SAP130: variants seen among roughly 807,000 people sequenced by gnomAD.
SAP130 encodes the protein histone deacetylase complex subunit SAP130.
SAP130 carries 16 observed loss-of-function variants against 103.2 expected under a neutral mutation model. The ratio of observed to expected loss-of-function variants is 0.16; its 90% CI spans 0.10 to 0.24. The LOEUF is 0.24. Among genes scored for constraint, SAP130 ranks in the 10% least tolerant of loss-of-function variants. SAP130 has a pLI of 1.00. For missense variants in SAP130, 990 were observed against 1,359.7 expected (o/e 0.73, Z 4.28); for synonymous variants, 477 against 497.0 (o/e 0.96, Z 0.53).
intron 15 of SAP130, among the ~76,000 whole-genome samples, chr2:127,977,179 A>C (rs1335370951): frequency 2.6e-5 from 4 of 152,128 alleles, no homozygotes; most frequent in African/African-American, 9.7e-5. Context: ...TTGTGGAATT[A>C]AGAAGAGAAA....
intron 14 of SAP130, among the ~76,000 whole-genome samples, chr2:127,982,592 C>T (rs1682031695): frequency 6.6e-6 from 1 of 152,154 alleles, no homozygotes. Context: ...TGGAGTGGTG[C>T]AAGAGAGTAT....
At chr2:127,950,053 T>A in intron 17 of SAP130, 59 bp from the exon 18 acceptor site, 3 of 1,609,774 alleles carry the variant, frequency 1.9e-6, no homozygotes, top group Non-Finnish European at 2.5e-6. Context: ...TCAAAGTTCA[T>A]TTCCAGTAAG....
At chr2:128,006,849 A>G (rs1490743768) in intron 7 of SAP130, among the ~76,000 whole-genome samples, 2 of 152,158 alleles carry the variant, frequency 1.3e-5, no homozygotes, top group African/African-American at 4.8e-5. Context: ...ATTTTTTTCT[A>G]TTTCTTCTAA....
At chr2:128,008,521 C>G (rs971619282) in intron 7 of SAP130, among the ~76,000 whole-genome samples, 1 of 147,250 alleles carries the variant, frequency 6.8e-6, no homozygotes, top group African/African-American at 2.6e-5. Flanking sequence ...CATGCCACCA[C>G]GCTTACCTTT....
intron 12 of SAP130, among the ~76,000 whole-genome samples, chr2:127,991,938 T>C (rs984021849): frequency 6.6e-6 from 1 of 152,200 alleles, no homozygotes; most frequent in Non-Finnish European, 1.5e-5. Flanking sequence ...AGGAGGGCAA[T>C]GTCCACAATC....
intron 5 of SAP130, 67 bp downstream of exon 5, chr2:128,014,736 C>T (rs35312230): frequency 0.25 from 278,022 of 1,095,252 alleles, 38,718 homozygotes; most frequent in African/African-American, 0.53. Flanking sequence ...TTCTGTGTTA[C>T]GTATTTTACC....
At chr2:127,944,883 CAG>C (rs1678963046) in intron 19 of SAP130, among the ~76,000 whole-genome samples, 1 of 111,434 alleles carries the variant, frequency 9.0e-6, no homozygotes, top group Admixed American at 1.2e-4. Flanking sequence ...ACCTGGGTAA[CAG>C]AGCAAGACCT....
rs777032656 is a variant in SAP130 at position 127,989,300 on chromosome 2, C to T, written c.1780+264G>A. 6.6e-5 allele frequency among the ~76,000 whole-genome samples: 10 copies of T among 151,972 alleles called. No individual in the cohort carries two copies. Among genetic ancestry groups the T allele is most frequent in the Non-Finnish European group, 8.8e-5 (6 of 67,976 alleles). On this transcript the variant is annotated intron_variant, in intron 13 of 20. Coordinates refer to ENST00000643581, the MANE Select transcript of SAP130 (RefSeq NM_001330301.2). The surrounding 1 kb of genome is among the most constrained non-coding windows in gnomAD (Gnocchi z 4.6). ...ATTTTTAGTAGACAGGGTTTTACCA[C>T]GTTAGCCTGGATAGTCTTGATCTCC...
At chr2:127,968,102 G>A (rs1680793222) in intron 15 of SAP130, among the ~76,000 whole-genome samples, 1 of 150,320 alleles carries the variant, frequency 6.7e-6, no homozygotes, top group African/African-American at 2.4e-5. Flanking sequence ...AACAGCTATA[G>A]TAAAGCATTT....
At position 127,980,646 on chromosome 2, in the gene SAP130, A is replaced by G. The variant is rs80210817; in HGVS notation, c.1959-2557T>C. ...GGTACTGTTATACATGGTATTTTATACAATTAAAAAATTACAATCAAGGCC... is the reference window on the plus strand; with the variant it reads ...GGTACTGTTATACATGGTATTTTATGCAATTAAAAAATTACAATCAAGGCC... On this transcript the variant is annotated intron_variant, in intron 14 of 20. Transcript: ENST00000643581. 7.1e-3 allele frequency among the ~76,000 whole-genome samples: 1,082 copies of G among 152,308 alleles called. 19 individuals are homozygous for G. The highest frequency in any genetic ancestry group is 0.025 in the African/African-American group (1,038 of 41,566).
At chr2:127,974,205 A>T (rs901303195) in intron 15 of SAP130, among the ~76,000 whole-genome samples, 16 of 152,286 alleles carry the variant, frequency 1.1e-4, no homozygotes, top group Admixed American at 8.5e-4. Flanking sequence ...ATTCTTTTAA[A>T]ATAAGTCAGA....
At chr2:128,011,635 C>CT (rs751993250) in intron 6 of SAP130, among the ~76,000 whole-genome samples, 1 of 152,186 alleles carries the variant, frequency 6.6e-6, no homozygotes, top group Non-Finnish European at 1.5e-5. Context: ...TCCTCCGACT[C>CT]TGTTTTCTTG....
intron 15 of SAP130, among the ~76,000 whole-genome samples, chr2:127,973,083 T>C (rs560470458): frequency 5.6e-4 from 86 of 152,314 alleles, no homozygotes; most frequent in African/African-American, 1.9e-3. Context: ...AAAGATGCTA[T>C]GTCCTCAAGC....
intron 18 of SAP130, among the ~76,000 whole-genome samples, chr2:127,947,761 T>TGTGTGTGTGA (rs1374035024): frequency 8.1e-6 from 1 of 122,884 alleles, no homozygotes; most frequent in Admixed American, 8.5e-5. Context: ...GTATTGTGTG[T>TGTGTGTGTGA]GTCTGTGTGT....
intron 3 of SAP130, among the ~76,000 whole-genome samples, chr2:128,016,887 C>T (rs1392056816): frequency 6.6e-6 from 1 of 152,228 alleles, no homozygotes; most frequent in African/African-American, 2.4e-5. Context: ...TTGAACAAAA[C>T]TCCCAGTAAC....
intron 18 of SAP130, among the ~76,000 whole-genome samples, chr2:127,949,391 T>C (rs1483894505): frequency 6.6e-6 from 1 of 152,230 alleles, no homozygotes; most frequent in African/African-American, 2.4e-5. Context: ...AACAGAACAT[T>C]CATTGAGGGC....
chr2:128,013,216 T>A (rs1285628948), intron 5 of SAP130, 62 bp from the exon 6 acceptor site: 3 of 1,456,192 alleles, frequency 2.1e-6, no homozygotes, highest in East Asian at 5.1e-5. Flanking sequence ...AAATAATCAG[T>A]ATGTTTCCCA....
chr2:127,964,735 C>T (rs748922828), intron 15 of SAP130, among the ~76,000 whole-genome samples: 5 of 151,702 alleles, frequency 3.3e-5, no homozygotes, highest in South Asian at 4.2e-4. Flanking sequence ...TGGTGGCTCA[C>T]GCCTGTAATG....
chr2:127,945,166 CCCT>C (rs1199853714), intron 19 of SAP130, among the ~76,000 whole-genome samples: 1 of 152,040 alleles, frequency 6.6e-6, no homozygotes. Flanking sequence ...TTGAGGCTCC[CCCT>C]ATTTCAGATG....
Sources: allele counts gnomAD v4.1 joint callset (sites outside exome capture counted in the v4.1 genomes callset), GRCh38; gene constraint gnomAD v4.1.1; non-coding constraint Gnocchi (gnomAD v3.1); transcripts MANE v1.5; gene names NCBI Gene and HGNC (gene_info 2026-07-23, HGNC 2026-07-21).